Variants in ZCCHC10 observed in about 807,000 individuals in gnomAD.
The protein encoded by ZCCHC10 is zinc finger CCHC-type containing 10.
A neutral mutation model predicts 19.5 loss-of-function variants in ZCCHC10; 16 were observed. That is an observed-to-expected ratio of 0.82 (90% CI 0.56 to 1.25). The LOEUF is 1.25. Among genes scored for constraint, ZCCHC10 ranks in the 50% most tolerant of loss-of-function variants. The probability of loss-of-function intolerance (pLI) is 0.00; values close to 1 mark genes in which losing one functional copy is unlikely to be tolerated. For synonymous variants in ZCCHC10, 67 were observed against 72.5 expected, an observed-to-expected ratio of 0.92 and a Z score of 0.38; for missense variants, 197 against 201.0, an observed-to-expected ratio of 0.98 and a Z score of 0.12.
At chr5:133,014,619 G>T (rs1374593103) in intron 2 of ZCCHC10, among the ~76,000 whole-genome samples, 1 of 152,164 alleles carries the variant, frequency 6.6e-6, no homozygotes, top group Non-Finnish European at 1.5e-5. Flanking sequence ...TCATGATCTT[G>T]ACACTTTTAG....
intron 2 of ZCCHC10, among the ~76,000 whole-genome samples, chr5:133,012,158 A>T (rs1367149540): frequency 1.4e-5 from 2 of 140,404 alleles, no homozygotes; most frequent in Middle Eastern, 3.8e-3. Context: ...AAAAAAAAGA[A>T]AGAAAGAAAG....
chr5:133,025,528 AAAAAAG>A (rs1764638886), intron 1 of ZCCHC10, among the ~76,000 whole-genome samples: 1 of 147,066 alleles, frequency 6.8e-6, no homozygotes, highest in African/African-American at 2.6e-5. Context: ...AAAAAAAAAA[AAAAAAG>A]AAAGGGGCAT....
At chr5:133,014,780 G>A (rs1005964563) in intron 2 of ZCCHC10, among the ~76,000 whole-genome samples, 1 of 152,190 alleles carries the variant, frequency 6.6e-6, no homozygotes, top group African/African-American at 2.4e-5. Flanking sequence ...CGCCCAGAGT[G>A]AATGACCAAG....
At chr5:132,998,913 TTTCA>T in intron 4 of ZCCHC10, 63 bp from the exon 5 acceptor site, 2 of 1,562,322 alleles carry the variant, frequency 1.3e-6, no homozygotes, top group South Asian at 2.4e-5. Flanking sequence ...TTAAAAGCAA[TTTCA>T]TTTTTTTTTT....
At chr5:133,021,716 G>A (rs1168921450) in intron 2 of ZCCHC10, among the ~76,000 whole-genome samples, 1 of 152,008 alleles carries the variant, frequency 6.6e-6, no homozygotes, top group Non-Finnish European at 1.5e-5. Context: ...TATAAATACT[G>A]TACATTAGGC....
chr5:133,006,281 T>C (rs1162436282), intron 3 of ZCCHC10, among the ~76,000 whole-genome samples: 1 of 152,152 alleles, frequency 6.6e-6, no homozygotes, highest in Non-Finnish European at 1.5e-5. Context: ...AATCATAGCA[T>C]ATTATATATT....
At chr5:132,999,906 C>T (rs571072509) in intron 4 of ZCCHC10, among the ~76,000 whole-genome samples, 1 of 152,106 alleles carries the variant, frequency 6.6e-6, no homozygotes, top group Admixed American at 6.6e-5. Context: ...TGCCACCACA[C>T]CCAGCTAATT....
Position 133,006,688 on chromosome 5 carries a change from C to T in ZCCHC10, c.269+71G>A, listed in dbSNP as rs1203645621. On this transcript the variant is annotated intron_variant, in intron 3 of 4. Transcript: ENST00000509437. The stretch of plus-strand genomic sequence containing the variant: ...TAAAATCTGGAGAACCACCATGAAA[C>T]GTTTGGTCCTTTAATAAATTCTATA... 3.9e-5 allele frequency: 55 copies of T among 1,396,642 alleles called. 1 individual carries two copies. In the Middle Eastern group the frequency reaches 1.1e-3, roughly 27 times the overall value. 86.5% of individuals were successfully genotyped at this position (1,396,642 alleles called of 1,614,324 possible).
At chr5:133,019,396 T>C (rs1405954610) in intron 2 of ZCCHC10, among the ~76,000 whole-genome samples, 1 of 152,228 alleles carries the variant, frequency 6.6e-6, no homozygotes, top group Non-Finnish European at 1.5e-5. Context: ...AAATGAATTA[T>C]CTATTCAAAC....
intron 4 of ZCCHC10, among the ~76,000 whole-genome samples, chr5:132,999,158 C>T (rs764400046): frequency 6.6e-6 from 1 of 152,128 alleles, no homozygotes; most frequent in Non-Finnish European, 1.5e-5. Flanking sequence ...CTCCTGACCT[C>T]ATGATCTGCC....
chr5:133,014,122 A>G (rs1339000716), intron 2 of ZCCHC10, among the ~76,000 whole-genome samples: 10 of 151,700 alleles, frequency 6.6e-5, no homozygotes, highest in Admixed American at 6.6e-4. Context: ...CAAAATCAAG[A>G]AATTAATGTT....
At chr5:133,021,948 G>A (rs543413883) in intron 2 of ZCCHC10, among the ~76,000 whole-genome samples, 163 of 151,680 alleles carry the variant, frequency 1.1e-3, no homozygotes, top group African/African-American at 3.8e-3. Context: ...TGCCCGCCAC[G>A]ACACCTGGCT....
rs536444365 is a variant in ZCCHC10 at position 133,009,942 on chromosome 5, T to C, written c.108-3022A>G. Among the ~76,000 whole-genome samples, 5 of 152,126 alleles carry C rather than the reference T, an allele frequency of 3.3e-5. No homozygotes were observed. In the East Asian group the frequency reaches 9.7e-4, roughly 29 times the overall value. On this transcript the variant is annotated intron_variant, in intron 2 of 4. Coordinates refer to ENST00000509437, the MANE Select transcript of ZCCHC10 (RefSeq NM_001300816.3). Reference sequence around the variant, plus strand: ...GAAGAAATAAACCTGTCATTTCTTATCGATAAAGTGTTAGGTACACTGTAA... The same window carrying C: ...GAAGAAATAAACCTGTCATTTCTTACCGATAAAGTGTTAGGTACACTGTAA...
intron 3 of ZCCHC10, among the ~76,000 whole-genome samples, chr5:133,002,567 A>G (rs924175104): frequency 2.1e-4 from 32 of 152,094 alleles, no homozygotes; most frequent in African/African-American, 7.7e-4. Flanking sequence ...TTTTTTGCTT[A>G]CATTCCTAAT....
Position 132,998,766 on chromosome 5 carries a change from G to C in ZCCHC10, c.396C>G (p.Thr132=). Residue 132 remains threonine, a synonymous_variant, in exon 5 of 5, where the codon ACC becomes ACG. Coordinates refer to ENST00000509437, the MANE Select transcript of ZCCHC10 (RefSeq NM_001300816.3). ...TGTCACTGTCCTCTGAGGAGGAAGA[G>C]GTAGATGTTTCTTCACTCTCTGATG... The part of the protein sequence containing the change: ...DSSSESEETS[T]SSSSEDSDTD... 6.2e-7 allele frequency: 1 copy of C among 1,614,108 alleles called. No individual in the cohort carries two copies. The highest frequency in any genetic ancestry group is 1.1e-5 in the South Asian group (1 of 91,080).
At chr5:133,009,828 T>C (rs1392027530) in intron 2 of ZCCHC10, among the ~76,000 whole-genome samples, 2 of 151,968 alleles carry the variant, frequency 1.3e-5, no homozygotes, top group African/African-American at 4.8e-5. Flanking sequence ...AGCCAACTTC[T>C]AGTTACCTAG....
intron 2 of ZCCHC10, among the ~76,000 whole-genome samples, chr5:133,007,446 G>C (rs1490897855): frequency 1.3e-5 from 2 of 152,172 alleles, no homozygotes; most frequent in Non-Finnish European, 2.9e-5. Context: ...AGGAGGCTGA[G>C]GCAGGAGAAT....
At chr5:133,015,539 C>G (rs75049748) in intron 2 of ZCCHC10, among the ~76,000 whole-genome samples, 12 of 152,112 alleles carry the variant, frequency 7.9e-5, no homozygotes, top group African/African-American at 2.9e-4. Context: ...ACTTTGAAGA[C>G]TAGGTCAAGT....
chr5:132,998,854 T>C lies in ZCCHC10; in HGVS notation c.312-4A>G. 2 of 1,613,756 alleles carry C rather than the reference T, an allele frequency of 1.2e-6. No individual in the cohort carries two copies. The highest frequency in any genetic ancestry group is 1.7e-5 in the Admixed American group (1 of 59,984). On this transcript the variant is annotated splice_region_variant and splice_polypyrimidine_tract_variant and intron_variant, in intron 4 of 4. Transcript: ENST00000509437. ...GGAACTGGTTACACTCTTAGACCTA[T>C]TAGACAATACAGAGTTATATACATG... is the stretch of plus-strand genomic sequence containing the variant.
Sources: allele counts gnomAD v4.1 joint callset (sites outside exome capture counted in the v4.1 genomes callset), GRCh38; gene constraint gnomAD v4.1.1; transcripts MANE v1.5; gene names NCBI Gene and HGNC (gene_info 2026-07-23, HGNC 2026-07-21).